The following RAPGEF5 variants were observed in gnomAD, a reference collection of about 807,000 sequenced individuals.
RAPGEF5 encodes M-Ras-regulated GEF.
RAPGEF5 carries 65 observed loss-of-function variants against 125.2 expected under a neutral mutation model. The observed-to-expected ratio is 0.52, with a 90% CI of 0.43 to 0.64. The LOEUF is 0.64. Among genes scored for constraint, RAPGEF5 ranks in the 30% least tolerant of loss-of-function variants. The pLI is 0.00. For missense variants in RAPGEF5, 958 were observed against 1,048.1 expected, an observed-to-expected ratio of 0.91 and a Z score of 1.19; for synonymous variants, 391 against 385.9, an observed-to-expected ratio of 1.01 and a Z score of -0.16.
chr7:22,274,258 C>T (rs928863108), intron 6 of RAPGEF5, among the ~76,000 whole-genome samples: 7 of 152,172 alleles, frequency 4.6e-5, no homozygotes, highest in Non-Finnish European at 7.3e-5. Flanking sequence ...GGCCCTAGAT[C>T]CCCATAGCCA....
intron 7 of RAPGEF5, among the ~76,000 whole-genome samples, chr7:22,251,521 C>G (rs765790392): frequency 7.2e-5 from 11 of 152,258 alleles, no homozygotes; most frequent in Non-Finnish European, 1.5e-4. Context: ...AGGGGAGTAG[C>G]TGCCCAGTCA....
intron 7 of RAPGEF5, among the ~76,000 whole-genome samples, chr7:22,261,316 A>G (rs924588196): frequency 2.0e-5 from 3 of 152,194 alleles, no homozygotes. Context: ...ATGATGTAAA[A>G]CTATATTACT....
In RAPGEF5 at chr7:22,121,655, CAAT is replaced by C. The variant is rs1782586198; in HGVS notation, c.*748_*750del. 1 of 152,234 alleles carries C rather than the reference CAAT, an allele frequency of 6.6e-6. No homozygotes were observed. The highest frequency in any genetic ancestry group is 6.5e-5 in the Admixed American group (1 of 15,282). 9.4% of individuals were successfully genotyped at this position (152,234 alleles called of 1,614,324 possible). On this transcript the variant is annotated 3_prime_UTR_variant, in exon 26 of 26. Coordinates refer to ENST00000665637, the MANE Select transcript of RAPGEF5 (RefSeq NM_012294.5). ...ATAAAGAAAATCCCCAGAAATTAAA[CAAT>C]GAGTCAATTTCTTAAAGATTACTAT...
At chr7:22,131,147 C>A in intron 23 of RAPGEF5, 46 bp from the exon 24 acceptor site, 2 of 1,497,580 alleles carry the variant, frequency 1.3e-6, no homozygotes, top group South Asian at 2.7e-5. Context: ...AGGAATGGAT[C>A]ATGAGTCAGG....
At chr7:22,336,964 G>A (rs1784037804) in intron 1 of RAPGEF5, among the ~76,000 whole-genome samples, 1 of 152,186 alleles carries the variant, frequency 6.6e-6, no homozygotes, top group Non-Finnish European at 1.5e-5. Context: ...AAGGGCTTCA[G>A]ACTGAGAAAA....
intron 3 of RAPGEF5, chr7:22,314,680 T>C: frequency 9.5e-6 from 9 of 947,432 alleles, no homozygotes; most frequent in South Asian, 9.8e-5. Flanking sequence ...TTTTTCTTTT[T>C]GTTTTCTTTC....
At chr7:22,132,535 GAA>G (rs1204712964) in intron 23 of RAPGEF5, among the ~76,000 whole-genome samples, 1 of 152,174 alleles carries the variant, frequency 6.6e-6, no homozygotes, top group Non-Finnish European at 1.5e-5. Flanking sequence ...ACGGTATTCA[GAA>G]AAGAGAAGTC....
intron 1 of RAPGEF5, among the ~76,000 whole-genome samples, chr7:22,321,020 T>A (rs1458679846): frequency 2.6e-5 from 4 of 152,176 alleles, no homozygotes; most frequent in Non-Finnish European, 5.9e-5. Context: ...ATTTTAGATT[T>A]CCTAGAATTA....
chr7:22,126,273 CAT>C (rs1207954239), intron 24 of RAPGEF5, among the ~76,000 whole-genome samples: 7 of 152,194 alleles, frequency 4.6e-5, no homozygotes, highest in Admixed American at 3.9e-4. Context: ...CACATTTGCA[CAT>C]GTGTTTCACT....
chr7:22,285,931 A>T (rs916600243), intron 6 of RAPGEF5, among the ~76,000 whole-genome samples: 1 of 152,230 alleles, frequency 6.6e-6, no homozygotes, highest in Non-Finnish European at 1.5e-5. Context: ...ACAAATAGAA[A>T]CATCTAAATG....
intron 7 of RAPGEF5, among the ~76,000 whole-genome samples, chr7:22,236,433 G>T (rs1484387793): frequency 1.3e-5 from 2 of 152,182 alleles, no homozygotes; most frequent in Non-Finnish European, 2.9e-5. Flanking sequence ...TGCACCTCAA[G>T]AAAGAGTAAT....
chr7:22,311,631 C>A (rs1783473592), intron 3 of RAPGEF5, among the ~76,000 whole-genome samples: 3 of 152,174 alleles, frequency 2.0e-5, no homozygotes, highest in Admixed American at 6.5e-5. Context: ...TTGACAGATA[C>A]TCTAAGGCAA....
At chr7:22,260,714 T>TAAA (rs1334074431) in intron 7 of RAPGEF5, among the ~76,000 whole-genome samples, 4 of 151,968 alleles carry the variant, frequency 2.6e-5, no homozygotes, top group Non-Finnish European at 5.9e-5. Context: ...ATAAGGTAAA[T>TAAA]ACACATTTAA....
intron 6 of RAPGEF5, among the ~76,000 whole-genome samples, chr7:22,285,460 A>G (rs991625387): frequency 2.6e-4 from 39 of 152,222 alleles, no homozygotes; most frequent in Non-Finnish European, 4.0e-4. Context: ...TCATGCTATT[A>G]CTGAACCAGT....
In RAPGEF5 at chr7:22,269,655, T is replaced by C. The variant is rs772867507; in HGVS notation, c.748-2643A>G. Among the ~76,000 whole-genome samples, 69 of 152,256 alleles carry C rather than the reference T, an allele frequency of 4.5e-4. 1 individual carries two copies. The highest frequency in any genetic ancestry group is 2.6e-4 in the Non-Finnish European group (18 of 68,040). On this transcript the variant is annotated intron_variant, in intron 6 of 25. Coordinates refer to ENST00000665637, the MANE Select transcript of RAPGEF5 (RefSeq NM_012294.5). ...ATTCAAAGCTGGCCTTTGCAAATAA[T>C]TGTTAGGTTTATATGAAACTGAATT... is the stretch of plus-strand genomic sequence containing the variant.
chr7:22,281,549 C>A (rs558366382), intron 6 of RAPGEF5, among the ~76,000 whole-genome samples: 5 of 152,186 alleles, frequency 3.3e-5, no homozygotes, highest in Non-Finnish European at 7.4e-5. Context: ...TCCCTTCTAT[C>A]CTTGTTCCAA....
chr7:22,150,392 G>A lies in RAPGEF5; in HGVS notation c.1884+15C>T. ...CTGGCCTGTTTGTTTCAAATACAAG[G>A]CTGAAGGTCCTTACCAAAGTGTCCG... On this transcript the variant is annotated intron_variant, in intron 18 of 25. Transcript: ENST00000665637. 2 of 1,599,692 alleles carry A rather than the reference G, an allele frequency of 1.3e-6. No homozygotes were observed. Among genetic ancestry groups the A allele is most frequent in the Non-Finnish European group, 1.7e-6 (2 of 1,174,888 alleles).
chr7:22,285,435 A>C (rs937122194), intron 6 of RAPGEF5, among the ~76,000 whole-genome samples: 55 of 152,336 alleles, frequency 3.6e-4, no homozygotes, highest in African/African-American at 1.3e-3. Flanking sequence ...TTAAAGATTC[A>C]TCAAAACCCA....
rs920343775 is a variant in RAPGEF5, at chr7:22,118,460, C to T, written c.*3946G>A. The T allele has an allele frequency of 2.0e-5, 3 of 152,556 alleles. No homozygotes were observed. The highest frequency in any genetic ancestry group is 2.9e-5 in the Non-Finnish European group (2 of 68,028). The allele number at this position is 152,556 out of a possible 1,614,324, so 9.5% of individuals were successfully genotyped here. On this transcript the variant is annotated 3_prime_UTR_variant, in exon 26 of 26. Coordinates refer to ENST00000665637, the MANE Select transcript of RAPGEF5 (RefSeq NM_012294.5). ...CTTACTAGCTTCGATAAATACACAG[C>T]ACAGTCATATACATATATATTATAT...
Sources: allele counts gnomAD v4.1 joint callset (sites outside exome capture counted in the v4.1 genomes callset), GRCh38; gene constraint gnomAD v4.1.1; transcripts MANE v1.5; gene names NCBI Gene and HGNC (gene_info 2026-07-23, HGNC 2026-07-21).